EML1: variants seen among roughly 807,000 people sequenced by gnomAD.
EML1 encodes the protein EMAP like 1.
EML1 carries 27 observed loss-of-function variants against 110.4 expected under a neutral mutation model. The ratio of observed to expected loss-of-function variants is 0.24; its 90% CI spans 0.18 to 0.34. The LOEUF (loss-of-function observed/expected upper bound fraction) is 0.34. Ranked by LOEUF, EML1 falls within the 10% of genes least tolerant of loss-of-function variation. The pLI is 1.00. For synonymous variants in EML1, 344 were observed against 385.8 expected (o/e 0.89, Z 1.27); for missense variants, 741 against 1,030.9 (o/e 0.72, Z 3.85).
intron 1 of EML1, among the ~76,000 whole-genome samples, chr14:99,796,412 T>G (rs2057775775): frequency 6.6e-6 from 1 of 152,160 alleles, no homozygotes; most frequent in South Asian, 2.1e-4. Context: ...GGAACTGTCT[T>G]TCTCATTTAA....
intron 1 of EML1, among the ~76,000 whole-genome samples, chr14:99,739,845 A>G (rs1289032087): frequency 6.6e-6 from 1 of 151,786 alleles, no homozygotes; most frequent in Non-Finnish European, 1.5e-5. Context: ...AAATATTTTC[A>G]CCTGTTTTCA....
chr14:99,835,617 C>G (rs2058528110), intron 1 of EML1, among the ~76,000 whole-genome samples: 1 of 152,170 alleles, frequency 6.6e-6, no homozygotes, highest in Non-Finnish European at 1.5e-5. Context: ...ACATAAATTT[C>G]TTTCTAAGCG....
chr14:99,879,239 G>T (rs1407388137), intron 4 of EML1, among the ~76,000 whole-genome samples: 6 of 152,002 alleles, frequency 3.9e-5, no homozygotes, highest in Non-Finnish European at 8.8e-5. Flanking sequence ...GCTGCTTTTT[G>T]GCATTTTAGC....
chr14:99,813,751 G>A (rs1209879818), intron 1 of EML1, among the ~76,000 whole-genome samples: 4 of 152,072 alleles, frequency 2.6e-5, no homozygotes, highest in Non-Finnish European at 5.9e-5. Flanking sequence ...AGGAGGACTG[G>A]CTATTTTGCA....
chr14:99,854,503 G>GCACAA (rs1255215669), intron 2 of EML1, among the ~76,000 whole-genome samples: 4 of 152,306 alleles, frequency 2.6e-5, no homozygotes, highest in African/African-American at 9.6e-5. Flanking sequence ...TTGTTCCCCT[G>GCACAA]TCCCTGCGGT....
Position 99,939,363 on chromosome 14 carries a change from A to T in EML1, c.2322+36A>T, listed in dbSNP as rs1299660102. On this transcript the variant is annotated intron_variant, in intron 21 of 21. Transcript: ENST00000262233. The surrounding 1 kb of genome is among the most constrained non-coding windows in gnomAD (Gnocchi z 4.2). ...TGTTTCTTCACTAATCTTATCCCCCATGGGGCATGCACGTACACCCGACCT... is the reference window on the plus strand; with the variant it reads ...TGTTTCTTCACTAATCTTATCCCCCTTGGGGCATGCACGTACACCCGACCT... 2 of 1,612,820 alleles carry T rather than the reference A, an allele frequency of 1.2e-6. No homozygotes were observed. The highest frequency in any genetic ancestry group is 1.1e-5 in the South Asian group (1 of 90,984).
intron 1 of EML1, among the ~76,000 whole-genome samples, chr14:99,798,523 G>C (rs2057818042): frequency 6.6e-6 from 1 of 151,874 alleles, no homozygotes; most frequent in Non-Finnish European, 1.5e-5. Context: ...CTCCAGAGTA[G>C]CTGGAATTAC....
At chr14:99,797,680 A>G (rs1306036025) in intron 1 of EML1, among the ~76,000 whole-genome samples, 1 of 152,254 alleles carries the variant, frequency 6.6e-6, no homozygotes. Context: ...CCTTTGATCA[A>G]TCACAGCTCA....
chr14:99,901,525 T>C (rs191319354), intron 9 of EML1, among the ~76,000 whole-genome samples: 2 of 152,348 alleles, frequency 1.3e-5, no homozygotes, highest in East Asian at 3.9e-4. Context: ...ATGTCTACTC[T>C]ATAGAGCAGC....
At position 99,797,718 on chromosome 14, in the gene EML1, G is replaced by A. The variant is rs747960460; in HGVS notation, c.67+4175G>A. 7.2e-4 allele frequency among the ~76,000 whole-genome samples: 109 copies of A among 152,326 alleles called. 2 individuals are homozygous for A. Among genetic ancestry groups the A allele is most frequent in the Non-Finnish European group, 1.8e-4 (12 of 68,042 alleles). The stretch of plus-strand genomic sequence containing the variant: ...AAAACGAGTCAGTGCACAACTGCAC[G>A]TGGTTGCCACAGGTTATAAGAATCT... On this transcript the variant is annotated intron_variant, in intron 1 of 21. Transcript: ENST00000262233.
intron 1 of EML1, among the ~76,000 whole-genome samples, chr14:99,801,878 T>C (rs568945757): frequency 6.6e-6 from 1 of 152,334 alleles, no homozygotes. Context: ...ATTATTACAC[T>C]GTTTTAGGGG....
chr14:99,777,323 T>A (rs556583744), intron 1 of EML1, among the ~76,000 whole-genome samples: 1 of 152,286 alleles, frequency 6.6e-6, no homozygotes, highest in African/African-American at 2.4e-5. Context: ...TCCCACGCCA[T>A]CCCTAGCGTT....
chr14:99,822,841 G>A (rs1043690761), intron 1 of EML1, among the ~76,000 whole-genome samples: 71 of 152,304 alleles, frequency 4.7e-4, no homozygotes, highest in African/African-American at 1.5e-3. Context: ...CTTCAGTTGC[G>A]TTTCTTATTT....
chr14:99,855,054 G>T (rs2058879508), intron 2 of EML1, among the ~76,000 whole-genome samples: 1 of 152,112 alleles, frequency 6.6e-6, no homozygotes. Context: ...AGATGATGGT[G>T]CCTCCATATG....
intron 10 of EML1, 143 bp from the exon 11 acceptor site, chr14:99,909,202 A>G: frequency 1.6e-6 from 2 of 1,276,238 alleles, no homozygotes; most frequent in Admixed American, 3.4e-5. Context: ...TTTTAGCAAG[A>G]TGGATTCAAT....
At chr14:99,870,389 A>C (rs1391877447) in intron 3 of EML1, among the ~76,000 whole-genome samples, 1 of 152,262 alleles carries the variant, frequency 6.6e-6, no homozygotes, top group Non-Finnish European at 1.5e-5. Context: ...AGTGCAAGGT[A>C]AAGCAGCAAG....
At position 99,914,229 on chromosome 14, in the gene EML1, T is replaced by C. The variant is rs777923068; in HGVS notation, c.1545T>C (p.Asp515=). The change falls in exon 14 of 22, where the codon GAT becomes GAC. Residue 515 remains aspartate (D), a synonymous_variant. Transcript: ENST00000262233. ...GGACAGTGGCCGAGGGGAAAGGCGATGTGATCTTGATTGGCACAACTCGAA... is the reference window on the plus strand; with the variant it reads ...GGACAGTGGCCGAGGGGAAAGGCGACGTGATCTTGATTGGCACAACTCGAA... ...PIRTVAEGKG[D]VILIGTTRNF... The C allele has an allele frequency of 7.4e-6, 12 of 1,614,024 alleles. No homozygotes were observed. The South Asian group carries it at 9.9e-5, about 13-fold the overall frequency.
intron 1 of EML1, among the ~76,000 whole-genome samples, chr14:99,834,262 T>C (rs1179702924): frequency 6.6e-6 from 1 of 152,034 alleles, no homozygotes; most frequent in African/African-American, 2.4e-5. Flanking sequence ...CATGATGTAT[T>C]CTTTTTTATA....
At chr14:99,931,866 ACT>A (rs2060375062) in intron 17 of EML1, among the ~76,000 whole-genome samples, 1 of 152,026 alleles carries the variant, frequency 6.6e-6, no homozygotes, top group Non-Finnish European at 1.5e-5. Context: ...TAATCCTCAC[ACT>A]CTGCCGTCTT....
Sources: gnomAD v4.1 joint callset for allele counts (sites outside exome capture counted in the v4.1 genomes callset) on GRCh38, gnomAD v4.1.1 for gene constraint, Gnocchi (gnomAD v3.1) non-coding constraint, MANE v1.5 for transcripts, NCBI Gene and HGNC (gene_info 2026-07-23, HGNC 2026-07-21) for gene names.